REL: variants seen among roughly 807,000 people sequenced by gnomAD.
REL encodes proto-oncogene c-Rel.
REL carries 15 observed loss-of-function variants against 45.9 expected under a neutral mutation model. That is an observed-to-expected ratio of 0.33 (90% confidence interval 0.22 to 0.50). REL has a LOEUF of 0.50. Ranked by LOEUF, REL falls within the 20% of genes least tolerant of loss-of-function variation. REL has a pLI of 0.98. For synonymous variants in REL, 239 were observed against 242.1 expected, an observed-to-expected ratio of 0.99 and a Z score of 0.12; for missense variants, 601 against 715.2, an observed-to-expected ratio of 0.84 and a Z score of 1.82.
intron 1 of REL, 105 bp downstream of exon 1, chr2:60,881,955 CT>C (rs1672950790): frequency 2.7e-6 from 2 of 740,794 alleles, no homozygotes; most frequent in Non-Finnish European, 4.0e-6. Flanking sequence ...GGGGCGCGTT[CT>C]GTCTTTAAAA....
chr2:60,889,982 T>C (rs1409224538), intron 1 of REL, among the ~76,000 whole-genome samples: 5 of 152,200 alleles, frequency 3.3e-5, no homozygotes, highest in African/African-American at 1.2e-4. Flanking sequence ...GATGGCTGGG[T>C]AAAATGGTAT....
At position 60,931,380 on chromosome 2, in the gene REL, C is replaced by CT. The variant is rs938083879; in HGVS notation, c.*8846dup. 1 of 152,166 alleles carries CT rather than the reference C, an allele frequency of 6.6e-6. No individual in the cohort carries two copies. The highest frequency in any genetic ancestry group is 1.5e-5 in the Non-Finnish European group (1 of 68,006). 9.4% of individuals were successfully genotyped at this position (152,166 alleles called of 1,614,324 possible). A position where few individuals can be genotyped will look rare whatever the true frequency, so the allele number is the denominator to read the frequency against. On this transcript the variant is annotated 3_prime_UTR_variant, in exon 10 of 10. Transcript: ENST00000394479. ...AATACCAAAATCCTATTTTTTTTGA[C>CT]TGAGTATTTGTAGATGCTTAATGAC...
At chr2:60,885,014 A>G (rs1673037358) in intron 1 of REL, among the ~76,000 whole-genome samples, 1 of 152,182 alleles carries the variant, frequency 6.6e-6, no homozygotes, top group Admixed American at 6.5e-5. Flanking sequence ...CAACACATGA[A>G]AAAATAGAAA....
chr2:60,904,953 T>A (rs950935343), intron 4 of REL, among the ~76,000 whole-genome samples: 2 of 152,148 alleles, frequency 1.3e-5, no homozygotes, highest in Non-Finnish European at 1.5e-5. Context: ...AGAGCTAGGA[T>A]TTGAACATAG....
intron 1 of REL, among the ~76,000 whole-genome samples, chr2:60,887,678 C>G (rs1298112520): frequency 6.0e-5 from 9 of 149,584 alleles, no homozygotes; most frequent in Admixed American, 6.0e-4. Flanking sequence ...TACTGTGTTA[C>G]TTGGTTGTAA....
chr2:60,894,664 C>A, intron 3 of REL, 119 bp downstream of exon 3: 1 of 707,392 alleles, frequency 1.4e-6, no homozygotes, highest in Non-Finnish European at 2.2e-6. Context: ...CTTCTATTTA[C>A]TGTATTTTAC....
At chr2:60,909,433 T>G (rs1403511080) in intron 4 of REL, among the ~76,000 whole-genome samples, 1 of 152,172 alleles carries the variant, frequency 6.6e-6, no homozygotes, top group Non-Finnish European at 1.5e-5. Flanking sequence ...ATATTTTTCC[T>G]TAAGTGAGAC....
chr2:60,895,135 A>G (rs1177762868), intron 3 of REL, among the ~76,000 whole-genome samples: 1 of 151,878 alleles, frequency 6.6e-6, no homozygotes. Flanking sequence ...CTGGGATTAC[A>G]GGTGTGAGAC....
chr2:60,908,034 T>C (rs925579267), intron 4 of REL, among the ~76,000 whole-genome samples: 10 of 152,084 alleles, frequency 6.6e-5, no homozygotes, highest in African/African-American at 2.4e-4. Context: ...TTGTTTTCCT[T>C]ACCTGAGATG....
intron 1 of REL, among the ~76,000 whole-genome samples, chr2:60,889,534 T>A (rs1028956416): frequency 6.6e-6 from 1 of 152,202 alleles, no homozygotes; most frequent in Non-Finnish European, 1.5e-5. Context: ...TACATATGTA[T>A]ACATGTGCCA....
intron 4 of REL, among the ~76,000 whole-genome samples, chr2:60,914,783 A>G (rs1018642269): frequency 8.0e-5 from 12 of 149,628 alleles, no homozygotes; most frequent in Non-Finnish European, 1.6e-4. Flanking sequence ...TTTGCTCAAC[A>G]TGGTTTTGAG....
At chr2:60,918,738 T>C (rs1313236454) in intron 7 of REL, 132 bp downstream of exon 7, 19 of 697,422 alleles carry the variant, frequency 2.7e-5, no homozygotes, top group Non-Finnish European at 4.5e-5. Flanking sequence ...AAGCTTTCTG[T>C]TGGTTTTTTC....
At chr2:60,913,495 T>TA (rs1350705055) in intron 4 of REL, among the ~76,000 whole-genome samples, 1 of 152,184 alleles carries the variant, frequency 6.6e-6, no homozygotes, top group Admixed American at 6.5e-5. Context: ...TGAAATCTGA[T>TA]ATGTTTCCAG....
In REL at chr2:60,881,588, G is replaced by T. The variant is rs887375730; in HGVS notation, c.-253G>T. The T allele has an allele frequency of 1.4e-5, 7 of 491,266 alleles. No individual in the cohort carries two copies. The East Asian group carries it at 2.1e-4, about 15-fold the overall frequency. The allele number at this position is 491,266 out of a possible 1,614,324, so 30.4% of individuals were successfully genotyped here. A position where few individuals can be genotyped will look rare whatever the true frequency, so the allele number is the denominator to read the frequency against. ...GCTGGGCCAGCACTCGGCTCTCCCCGCTCCGCCCCCTGCCCCTGGCTCCCG... is the reference window on the plus strand; with the variant it reads ...GCTGGGCCAGCACTCGGCTCTCCCCTCTCCGCCCCCTGCCCCTGGCTCCCG... On this transcript the variant is annotated 5_prime_UTR_variant, in exon 1 of 10. Transcript: ENST00000394479.
chr2:60,884,976 A>G (rs1056468834), intron 1 of REL, among the ~76,000 whole-genome samples: 3 of 152,186 alleles, frequency 2.0e-5, no homozygotes, highest in African/African-American at 7.2e-5. Context: ...GTAAAATGCC[A>G]CACATGAGCA....
chr2:60,905,874 T>C lies in REL; in HGVS notation c.394+4791T>C, dbSNP rs575616849. 3.9e-5 allele frequency among the ~76,000 whole-genome samples: 6 copies of C among 152,350 alleles called. No individual in the cohort carries two copies. The South Asian group carries it at 1.2e-3, about 32-fold the overall frequency. ...CACAGTAAGAAATAGATTTTGTTTTTGAGTTCAATATATATACATACACCA... is the reference window on the plus strand; with the variant it reads ...CACAGTAAGAAATAGATTTTGTTTTCGAGTTCAATATATATACATACACCA... On this transcript the variant is annotated intron_variant, in intron 4 of 9. Coordinates refer to ENST00000394479, the MANE Select transcript of REL (RefSeq NM_001291746.2).
intron 1 of REL, among the ~76,000 whole-genome samples, chr2:60,890,301 A>C (rs1158592286): frequency 6.6e-6 from 1 of 152,236 alleles, no homozygotes; most frequent in African/African-American, 2.4e-5. Context: ...TCTTCACAAC[A>C]ACCCAATGAG....
At chr2:60,918,806 T>C (rs1189444639) in intron 7 of REL, among the ~76,000 whole-genome samples, 200 bp downstream of exon 7, 5 of 152,198 alleles carry the variant, frequency 3.3e-5, no homozygotes, top group Non-Finnish European at 7.3e-5. Context: ...TTTTGTTTTG[T>C]TTTTGAGACA....
At chr2:60,920,494 C>T in intron 8 of REL, 80 bp from the exon 9 acceptor site, 1 of 1,115,962 alleles carries the variant, frequency 9.0e-7, no homozygotes, top group Non-Finnish European at 1.4e-6. Flanking sequence ...AGCCACCACG[C>T]CCGGCCAGTT....
Sources: allele counts gnomAD v4.1 joint callset (sites outside exome capture counted in the v4.1 genomes callset), GRCh38; gene constraint gnomAD v4.1.1; transcripts MANE v1.5; gene names NCBI Gene and HGNC (gene_info 2026-07-23, HGNC 2026-07-21).